RNF207: variants seen among roughly 807,000 people sequenced by gnomAD.
The protein encoded by RNF207 is ring finger protein 207, also known as OTTHUMG00000001089.
RNF207 carries 72 observed loss-of-function variants against 79.0 expected under a neutral mutation model. The ratio of observed to expected loss-of-function variants is 0.91; its 90% CI spans 0.75 to 1.11. RNF207 has a LOEUF of 1.11. Ranked by LOEUF, RNF207 falls within the 50% of genes least tolerant of loss-of-function variation. RNF207 has a pLI of 0.00. For missense variants in RNF207, 936 were observed against 855.8 expected, an observed-to-expected ratio of 1.09 and a Z score of -1.17; for synonymous variants, 348 against 366.2, an observed-to-expected ratio of 0.95 and a Z score of 0.57.
At chr1:6,216,282 C>T (rs1557593132) in intron 16 of RNF207, among the ~76,000 whole-genome samples, 2 of 152,272 alleles carry the variant, frequency 1.3e-5, no homozygotes, top group Admixed American at 1.3e-4. Context: ...GACTTGTTCA[C>T]ACCATGAATG....
chr1:6,209,434 G>T lies in RNF207; in HGVS notation c.648G>T (p.Thr216=). 6.6e-7 allele frequency: 1 copy of T among 1,517,366 alleles called. No individual in the cohort carries two copies. Among genetic ancestry groups the T allele is most frequent in the South Asian group, 1.2e-5 (1 of 80,994 alleles). The allele number at this position is 1,517,366 out of a possible 1,614,324, so 94.0% of individuals were successfully genotyped here. Residue 216 remains threonine (T), a synonymous_variant, in exon 7 of 18, where the codon ACG becomes ACT. Transcript: ENST00000377939. ...QAVLAVKALQ[T]ATREAIALLQ... ...CCCAGGCCGTGAAGGCCCTGCAGAC[G>T]GCCACGCGGGAGGCCATCGCGCTGC...
rs933833176 is a variant in RNF207 at position 6,207,238 on chromosome 1, T to C, written c.192-141T>C. 2.5e-6 allele frequency: 2 copies of C among 806,528 alleles called. No homozygotes were observed. The highest frequency in any genetic ancestry group is 3.7e-6 in the Non-Finnish European group (2 of 539,934). 50.0% of individuals were successfully genotyped at this position (806,528 alleles called of 1,614,324 possible). ...AGGGCAGGGTGAGTGCTGGCTGTGA[T>C]ATTTATAGCAGACCCCAGAGCTGTG... is the stretch of plus-strand genomic sequence containing the variant. On this transcript the variant is annotated intron_variant, in intron 2 of 17. Transcript: ENST00000377939. This position sits in a 1 kb window ranked among gnomAD's most constrained non-coding sequence, Gnocchi z 4.5.
chr1:6,213,716 G>C (rs1668264765), intron 16 of RNF207, among the ~76,000 whole-genome samples: 2 of 152,192 alleles, frequency 1.3e-5, no homozygotes, highest in South Asian at 4.1e-4. Context: ...GTGTCACGAG[G>C]GTCCTGCTGG....
rs1370486525 is a variant in RNF207, at chr1:6,210,306, CTCGGGG to C, written c.873+13_873+18del. The C allele has an allele frequency of 4.3e-6, 7 of 1,613,574 alleles. No individual in the cohort carries two copies. In the Admixed American group the frequency reaches 5.0e-5, roughly 12 times the overall value. ...CTGCCCACCCTGCAGGTACAGGGAG[CTCGGGG>C]TGCGGGTGGGTCCCTCCTCCTCCCC... On this transcript the variant is annotated intron_variant, in intron 9 of 17. Transcript: ENST00000377939.
rs923371672 is a variant in RNF207 at position 6,217,386 on chromosome 1, C to T, written c.1653-903C>T. On this transcript the variant is annotated intron_variant, in intron 16 of 17. Transcript: ENST00000377939. The surrounding 1 kb of genome is among the most constrained non-coding windows in gnomAD (Gnocchi z 4.2). The stretch of plus-strand genomic sequence containing the variant: ...CCCTGGCTTTAAGACCCCATCATGA[C>T]GCAGACCCCCAGCTCCCGCTCCAGC... 2.0e-4 allele frequency among the ~76,000 whole-genome samples: 31 copies of T among 152,130 alleles called. No homozygotes were observed. The highest frequency in any genetic ancestry group is 4.8e-5 in the African/African-American group (2 of 41,426).
chr1:6,218,518 T>G, intron 17 of RNF207, 149 bp downstream of exon 17: 1 of 613,936 alleles, frequency 1.6e-6, no homozygotes, highest in Non-Finnish European at 2.9e-6. Flanking sequence ...TCAGAGAGGC[T>G]CTCAGCCCAG....
intron 7 of RNF207, 99 bp from the exon 8 acceptor site, chr1:6,209,825 C>T: frequency 1.6e-6 from 2 of 1,284,842 alleles, no homozygotes; most frequent in Non-Finnish European, 1.1e-6. Flanking sequence ...GGAGAGATAC[C>T]TAGTGTAACC....
intron 17 of RNF207, among the ~76,000 whole-genome samples, chr1:6,218,630 A>G (rs1325890667): frequency 2.0e-5 from 3 of 152,104 alleles, no homozygotes; most frequent in Admixed American, 1.3e-4. Flanking sequence ...GCCTGCATCC[A>G]CTTTCACCAC....
chr1:6,213,213 C>T, intron 16 of RNF207, 30 bp downstream of exon 16: 1 of 1,419,560 alleles, frequency 7.0e-7, no homozygotes, highest in Non-Finnish European at 9.9e-7. Context: ...CCCAGGGCCA[C>T]TGAGACTCTT....
At position 6,207,375 on chromosome 1, in the gene RNF207, G is replaced by A. The variant is rs1220670163; in HGVS notation, c.192-4G>A. 2.0e-6 allele frequency: 3 copies of A among 1,509,666 alleles called. No homozygotes were observed. The highest frequency in any genetic ancestry group is 2.7e-6 in the Non-Finnish European group (3 of 1,129,440). The allele number at this position is 1,509,666 out of a possible 1,614,324, so 93.5% of individuals were successfully genotyped here. On this transcript the variant is annotated splice_polypyrimidine_tract_variant and splice_region_variant and intron_variant, in intron 2 of 17. Transcript: ENST00000377939. The surrounding 1 kb of genome is among the most constrained non-coding windows in gnomAD (Gnocchi z 4.5). ...AGAATCTCGGGGCCTGGGCTTCTCT[G>A]CAGACACCAGACGGTGCTGAAGGGT... is the stretch of plus-strand genomic sequence containing the variant.
chr1:6,213,468 TAAAAA>T (rs547886824), intron 16 of RNF207, among the ~76,000 whole-genome samples: 1 of 119,244 alleles, frequency 8.4e-6, no homozygotes, highest in Non-Finnish European at 1.8e-5. Context: ...GACCTTGTCT[TAAAAA>T]AAAAAAAAAA....
chr1:6,214,312 C>T (rs1280544229), intron 16 of RNF207, among the ~76,000 whole-genome samples: 1 of 152,162 alleles, frequency 6.6e-6, no homozygotes. Context: ...TGAGATTTCA[C>T]TTTGGTGAGA....
At chr1:6,218,692 G>A (rs1668447754) in intron 17 of RNF207, among the ~76,000 whole-genome samples, 1 of 152,218 alleles carries the variant, frequency 6.6e-6, no homozygotes, top group African/African-American at 2.4e-5. Context: ...AAATGAGAAA[G>A]TGACCGAGGA....
chr1:6,212,018 G>C lies in RNF207; in HGVS notation c.1261G>C (p.Ala421Pro). 6.3e-7 allele frequency: 1 copy of C among 1,593,536 alleles called. No individual in the cohort carries two copies. The highest frequency in any genetic ancestry group is 8.5e-7 in the Non-Finnish European group (1 of 1,171,160). ...LLAEGENTPFAEHCRHYEDSY... is the reference protein window; with the variant it reads ...LLAEGENTPFPEHCRHYEDSY... ...GGCGGAGGGCGAGAACACGCCCTTC[G>C]CAGAGCACTGCCGCCACTATGAGGA... Residue 421 changes from alanine (A) to proline (P), a missense_variant, in exon 13 of 18, where the codon GCA becomes CCA. By Grantham distance (27) the Ala-to-Pro change is conservative (BLOSUM62 -1). Coordinates refer to ENST00000377939, the MANE Select transcript of RNF207 (RefSeq NM_207396.3).
Position 6,206,266 on chromosome 1 carries a change from CG to C in RNF207, c.-35del. Reference sequence around the variant, plus strand: ...AGCGCTGGACGGCGGGAGAGAGGCTCGGAGGACCGGTAGCTCCCAGCAAAGC... The same window carrying C: ...AGCGCTGGACGGCGGGAGAGAGGCTCGAGGACCGGTAGCTCCCAGCAAAGC... On this transcript the variant is annotated 5_prime_UTR_variant, in exon 1 of 18. Transcript: ENST00000377939. The C allele has an allele frequency of 2.4e-6, 1 of 421,604 alleles. No individual in the cohort carries two copies. The highest frequency in any genetic ancestry group is 4.2e-6 in the Non-Finnish European group (1 of 238,538). The allele number at this position is 421,604 out of a possible 1,614,324, so 26.1% of individuals were successfully genotyped here. A position where few individuals can be genotyped will look rare whatever the true frequency, so the allele number is the denominator to read the frequency against.
intron 17 of RNF207, 22 bp downstream of exon 17, chr1:6,218,391 G>C (rs1317021508): frequency 4.5e-6 from 7 of 1,571,956 alleles, no homozygotes; most frequent in Non-Finnish European, 6.1e-6. Context: ...CTCTCCACTG[G>C]AGAGTGTGCA....
Position 6,211,148 on chromosome 1 carries a change from A to G in RNF207, c.1109+30A>G. 1 of 1,495,982 alleles carries G rather than the reference A, an allele frequency of 6.7e-7. No individual in the cohort carries two copies. Among genetic ancestry groups the G allele is most frequent in the Non-Finnish European group, 9.0e-7 (1 of 1,107,066 alleles). 92.7% of individuals were successfully genotyped at this position (1,495,982 alleles called of 1,614,324 possible). ...GCAGCAACCGGGGAGGCCAGGCACA[A>G]GGTCCCCAACACTGGGGTGTGGGGG... On this transcript the variant is annotated intron_variant, in intron 12 of 17. Transcript: ENST00000377939. The surrounding 1 kb of genome is among the most constrained non-coding windows in gnomAD (Gnocchi z 4.2).
chr1:6,210,665 T>C (rs940456622), intron 10 of RNF207: 8 of 640,338 alleles, frequency 1.2e-5, no homozygotes, highest in African/African-American at 5.4e-5. Context: ...TGGGGCGGAG[T>C]GACCACTGGA....
At chr1:6,210,073 C>T (rs1448005017) in intron 8 of RNF207, 103 bp downstream of exon 8, 16 of 1,344,976 alleles carry the variant, frequency 1.2e-5, no homozygotes, top group South Asian at 1.3e-5. Context: ...GCAAGACATC[C>T]GAATGTCCTC....
Sources: gnomAD v4.1 joint callset for allele counts (sites outside exome capture counted in the v4.1 genomes callset) on GRCh38, gnomAD v4.1.1 for gene constraint, Gnocchi (gnomAD v3.1) non-coding constraint, MANE v1.5 for transcripts, NCBI Gene and HGNC (gene_info 2026-07-23, HGNC 2026-07-21) for gene names.